AKAP19: variants seen among roughly 807,000 people sequenced by gnomAD.
AKAP19 encodes A-kinase anchoring protein 19.
At chr2:189,944,622 GAAAGAT>G in the AKAP19 span, among the ~76,000 whole-genome samples, 5 of 152,110 alleles carry the variant, frequency 3.3e-5, no homozygotes, top group African/African-American at 1.2e-4. Context: ...GATCTAAAGA[GAAAGAT>G]AAATTGCAAT....
the AKAP19 span, among the ~76,000 whole-genome samples, chr2:189,900,277 AT>A: frequency 2.0e-5 from 3 of 152,136 alleles, no homozygotes; most frequent in African/African-American, 7.2e-5. Context: ...CAAATGTGAA[AT>A]TTTTAGAACA....
the AKAP19 span, among the ~76,000 whole-genome samples, chr2:189,926,841 C>T: frequency 2.0e-5 from 3 of 151,792 alleles, no homozygotes; most frequent in African/African-American, 4.8e-5. Context: ...TCTTGGCCTC[C>T]GAAATTGCTG....
At chr2:189,931,825 G>A in the AKAP19 span, among the ~76,000 whole-genome samples, 2 of 152,076 alleles carry the variant, frequency 1.3e-5, no homozygotes, top group Non-Finnish European at 2.9e-5. Flanking sequence ...GTTTCACCAT[G>A]TTGTCTAGGC....
At chr2:190,149,924 C>T in the AKAP19 span, among the ~76,000 whole-genome samples, 1 of 152,080 alleles carries the variant, frequency 6.6e-6, no homozygotes, top group Admixed American at 6.6e-5. Context: ...GTATTGAAAT[C>T]TCCCACTATT....
At chr2:190,197,943 C>T in the AKAP19 span, among the ~76,000 whole-genome samples, 1 of 152,136 alleles carries the variant, frequency 6.6e-6, no homozygotes, top group Non-Finnish European at 1.5e-5. The surrounding 1 kb of genome is among the most constrained non-coding windows in gnomAD (Gnocchi z 4.0). Context: ...TTAACCATGT[C>T]CAATTCCCTT....
the AKAP19 span, among the ~76,000 whole-genome samples, chr2:190,160,012 G>C: frequency 6.6e-6 from 1 of 152,168 alleles, no homozygotes. Flanking sequence ...TTTCAGTGTA[G>C]AGTTGAAACA....
the AKAP19 span, among the ~76,000 whole-genome samples, chr2:190,110,108 G>T: frequency 1.3e-5 from 2 of 152,238 alleles, no homozygotes; most frequent in African/African-American, 4.8e-5. Context: ...CACTAGTCCT[G>T]GTGTAGATGA....
At chr2:189,914,432 C>T in the AKAP19 span, among the ~76,000 whole-genome samples, 1 of 151,592 alleles carries the variant, frequency 6.6e-6, no homozygotes, top group African/African-American at 2.4e-5. Context: ...ATTTTTCTTC[C>T]CTTGTTCATG....
At chr2:189,986,305 T>C in the AKAP19 span, among the ~76,000 whole-genome samples, 1 of 151,834 alleles carries the variant, frequency 6.6e-6, no homozygotes, top group Middle Eastern at 3.4e-3. Context: ...TCTTCCTCTT[T>C]CCTGATGTTT....
the AKAP19 span, among the ~76,000 whole-genome samples, chr2:190,028,214 G>A: frequency 6.6e-6 from 1 of 151,992 alleles, no homozygotes; most frequent in Non-Finnish European, 1.5e-5. Flanking sequence ...TTGTATGGAG[G>A]GTTTCAGATG....
chr2:190,057,511 G>T, the AKAP19 span: 2 of 1,613,512 alleles, frequency 1.2e-6, no homozygotes, highest in Admixed American at 3.3e-5. Context: ...CCATCCAAAA[G>T]CTTCAAAATC....
chr2:190,109,819 A>C, the AKAP19 span, among the ~76,000 whole-genome samples: 7 of 152,200 alleles, frequency 4.6e-5, no homozygotes, highest in Non-Finnish European at 8.8e-5. Context: ...GGCTCACATA[A>C]CAAAATGAAA....
At chr2:190,097,859 CAAAAAAAAAA>C in the AKAP19 span, among the ~76,000 whole-genome samples, 1 of 64,526 alleles carries the variant, frequency 1.5e-5, no homozygotes, top group Non-Finnish European at 2.8e-5. Context: ...TGGTTTCTAC[CAAAAAAAAAA>C]AAAAAAAAAA....
chr2:189,984,703 A>G, the AKAP19 span, among the ~76,000 whole-genome samples: 1 of 152,236 alleles, frequency 6.6e-6, no homozygotes, highest in South Asian at 2.1e-4. Context: ...TAGAGATTGC[A>G]GTAAAGACAG....
chr2:189,921,432 T>C, the AKAP19 span, among the ~76,000 whole-genome samples: 2 of 152,144 alleles, frequency 1.3e-5, no homozygotes, highest in African/African-American at 4.8e-5. Flanking sequence ...TATTGGTGAA[T>C]TTGTCAAAAA....
the AKAP19 span, among the ~76,000 whole-genome samples, chr2:190,185,994 C>T: frequency 6.6e-6 from 1 of 152,168 alleles, no homozygotes; most frequent in African/African-American, 2.4e-5. Context: ...CTCTGTCGCC[C>T]AGGCTGGAGT....
chr2:190,002,203 A>G, the AKAP19 span, among the ~76,000 whole-genome samples: 1 of 152,242 alleles, frequency 6.6e-6, no homozygotes, highest in African/African-American at 2.4e-5. Flanking sequence ...GTCATGTGTC[A>G]TTGTTCAATT....
the AKAP19 span, among the ~76,000 whole-genome samples, chr2:190,069,161 TGTGTGTGTGTGTGTGA>T: frequency 7.0e-6 from 1 of 143,502 alleles, no homozygotes; most frequent in Non-Finnish European, 1.5e-5. Context: ...TGTGTGTGTG[TGTGTGTGTGTGTGTGA>T]GAGAGAGAGA....
the AKAP19 span, among the ~76,000 whole-genome samples, chr2:190,061,383 T>C: frequency 6.6e-6 from 1 of 152,008 alleles, no homozygotes. Context: ...AGGAATTGTA[T>C]GAAATATGTT....
Sources: allele counts gnomAD v4.1 joint callset (sites outside exome capture counted in the v4.1 genomes callset), GRCh38; gene constraint gnomAD v4.1.1; non-coding constraint Gnocchi (gnomAD v3.1); transcripts MANE v1.5; gene names NCBI Gene and HGNC (gene_info 2026-07-23, HGNC 2026-07-21).